PCDH15: variants seen among roughly 807,000 people sequenced by gnomAD.
The protein encoded by PCDH15 is protocadherin-15.
A neutral mutation model predicts 178.5 loss-of-function variants in PCDH15; 129 were observed. That is an observed-to-expected ratio of 0.72 (90% CI 0.63 to 0.84). The LOEUF (loss-of-function observed/expected upper bound fraction) is 0.84. Ranked by LOEUF, PCDH15 falls within the 40% of genes least tolerant of loss-of-function variation. The probability of loss-of-function intolerance (pLI) is 0.00; values close to 1 mark genes in which losing one functional copy is unlikely to be tolerated. For missense variants in PCDH15, 2,230 were observed against 2,099.9 expected, an observed-to-expected ratio of 1.06 and a Z score of -1.21; for synonymous variants, 800 against 732.0, an observed-to-expected ratio of 1.09 and a Z score of -1.50.
chr10:54,597,570 A>C (rs1343585588), intron 2 of PCDH15, among the ~76,000 whole-genome samples: 2 of 151,976 alleles, frequency 1.3e-5, no homozygotes, highest in Non-Finnish European at 1.5e-5. Flanking sequence ...CAACAACAAC[A>C]AAATAACAAC....
chr10:54,941,937 G>T (rs1308155785), intron 2 of PCDH15, among the ~76,000 whole-genome samples: 1 of 152,060 alleles, frequency 6.6e-6, no homozygotes, highest in East Asian at 1.9e-4. Flanking sequence ...CTCTTTCAAT[G>T]ATTTCTCTGG....
intron 30 of PCDH15, among the ~76,000 whole-genome samples, chr10:53,829,374 C>T (rs1438892819): frequency 2.0e-5 from 3 of 152,126 alleles, no homozygotes; most frequent in Non-Finnish European, 4.4e-5. Context: ...CCTTGTATAA[C>T]ATCCAGAGCG....
At chr10:55,584,199 T>C (rs961752807) in intron 2 of PCDH15, among the ~76,000 whole-genome samples, 1 of 152,090 alleles carries the variant, frequency 6.6e-6, no homozygotes, top group Admixed American at 6.6e-5. Flanking sequence ...AAATAAATAC[T>C]TTTTTATTAT....
rs560837504 is a variant in PCDH15, at chr10:53,822,503, A to C, written c.4368-2273T>G. The C allele has an allele frequency of 6.8e-6, 11 of 1,612,608 alleles. No individual in the cohort carries two copies. In the South Asian group the frequency reaches 1.2e-4, roughly 18 times the overall value. On this transcript the variant is annotated intron_variant, in intron 32 of 37. Transcript: ENST00000644397. ...GAGGGGGAAGGGGACAGGCAGAAGG[A>C]GAGATGTTTGGTGGATGGGCAAAAT...
At chr10:54,370,727 TTTTA>T (rs1464598535) in intron 4 of PCDH15, among the ~76,000 whole-genome samples, 7 of 151,242 alleles carry the variant, frequency 4.6e-5, no homozygotes, top group South Asian at 2.1e-4. Context: ...ACATATCCTA[TTTTA>T]TTTATTAAAA....
chr10:55,283,463 T>A (rs1842786110), intron 1 of PCDH15, among the ~76,000 whole-genome samples: 1 of 151,928 alleles, frequency 6.6e-6, no homozygotes, highest in South Asian at 2.1e-4. Context: ...AAACTCTTTC[T>A]CTATTGCAAT....
chr10:54,724,368 G>A (rs926721022), intron 1 of PCDH15, among the ~76,000 whole-genome samples: 1 of 151,518 alleles, frequency 6.6e-6, no homozygotes, highest in East Asian at 1.9e-4. Flanking sequence ...ACACCTCAGA[G>A]ACTCAAAAAT....
intron 2 of PCDH15, among the ~76,000 whole-genome samples, chr10:54,969,818 G>T (rs2131892598): frequency 6.6e-6 from 1 of 152,274 alleles, no homozygotes; most frequent in African/African-American, 2.4e-5. Flanking sequence ...ATGAAAATGT[G>T]TTTTAACTAA....
At chr10:54,234,147 T>TGTGTGC (rs1554851150) in intron 9 of PCDH15, among the ~76,000 whole-genome samples, 9 of 151,252 alleles carry the variant, frequency 6.0e-5, no homozygotes, top group African/African-American at 1.7e-4. Context: ...TGTGTGTGTG[T>TGTGTGC]GTGTGTGTGT....
intron 1 of PCDH15, among the ~76,000 whole-genome samples, chr10:55,203,523 C>G (rs1011744951): frequency 6.6e-6 from 1 of 151,922 alleles, no homozygotes; most frequent in East Asian, 1.9e-4. Flanking sequence ...ACATTAGGAA[C>G]AGCAGTGGGG....
chr10:55,187,722 G>A (rs989063068), intron 1 of PCDH15, among the ~76,000 whole-genome samples: 1 of 151,814 alleles, frequency 6.6e-6, no homozygotes, highest in Non-Finnish European at 1.5e-5. Context: ...ATTTTTAAAT[G>A]TTCATTAATA....
chr10:54,742,943 A>G (rs1490293187), intron 1 of PCDH15, among the ~76,000 whole-genome samples: 1 of 152,110 alleles, frequency 6.6e-6, no homozygotes, highest in African/African-American at 2.4e-5. Flanking sequence ...AATGTCTTAC[A>G]ATATTCACCA....
At chr10:55,464,005 GAAAGAAAGAA>G (rs1839766462) in intron 2 of PCDH15, among the ~76,000 whole-genome samples, 5 of 66,962 alleles carry the variant, frequency 7.5e-5, no homozygotes, top group African/African-American at 3.2e-4. Flanking sequence ...AAGAAAGAAA[GAAAGAAAGAA>G]AGAAAGAAAG....
At chr10:54,574,627 A>G (rs894248680) in intron 2 of PCDH15, among the ~76,000 whole-genome samples, 3 of 142,278 alleles carry the variant, frequency 2.1e-5, no homozygotes, top group South Asian at 2.4e-4. Context: ...TTAGAATGGC[A>G]ATCATTAAAA....
At chr10:53,996,686 T>A (rs1324336052) in intron 20 of PCDH15, among the ~76,000 whole-genome samples, 1 of 152,142 alleles carries the variant, frequency 6.6e-6, no homozygotes, top group Non-Finnish European at 1.5e-5. Context: ...TTCTGAATCA[T>A]TTTATCTTTT....
At chr10:55,018,555 C>T (rs1458099927) in intron 2 of PCDH15, among the ~76,000 whole-genome samples, 2 of 151,782 alleles carry the variant, frequency 1.3e-5, no homozygotes, top group African/African-American at 4.8e-5. Context: ...AGATGTGGAA[C>T]CCAGGGATAC....
intron 21 of PCDH15, among the ~76,000 whole-genome samples, chr10:53,982,384 G>T (rs1268222744): frequency 6.6e-6 from 1 of 151,890 alleles, no homozygotes; most frequent in African/African-American, 2.4e-5. Flanking sequence ...TGTTTATTGC[G>T]GCACTATTCA....
intron 1 of PCDH15, among the ~76,000 whole-genome samples, chr10:55,264,026 C>G (rs10825489): frequency 0.17 from 26,147 of 151,920 alleles, 3,103 homozygotes; most frequent in East Asian, 0.38. Context: ...GAGCCACCGC[C>G]CCGGGCCTGT....
At chr10:54,220,632 T>C (rs894603606) in intron 9 of PCDH15, among the ~76,000 whole-genome samples, 10 of 152,240 alleles carry the variant, frequency 6.6e-5, no homozygotes, top group East Asian at 1.9e-4. Context: ...GAGACCATCC[T>C]GGCTAACACG....
Sources: allele counts gnomAD v4.1 joint callset (sites outside exome capture counted in the v4.1 genomes callset), GRCh38; gene constraint gnomAD v4.1.1; transcripts MANE v1.5; gene names NCBI Gene and HGNC (gene_info 2026-07-23, HGNC 2026-07-21).